Variants in STX8 observed in about 807,000 individuals in gnomAD.
STX8 encodes the protein syntaxin-8.
A neutral mutation model predicts 37.5 loss-of-function variants in STX8; 23 were observed. The ratio of observed to expected loss-of-function variants is 0.61; its 90% CI spans 0.44 to 0.87. The LOEUF is 0.87. Ranked by LOEUF, STX8 falls within the 40% of genes least tolerant of loss-of-function variation. The pLI is 0.00. For synonymous variants in STX8, 115 were observed against 99.1 expected, an observed-to-expected ratio of 1.16 and a Z score of -0.95; for missense variants, 313 against 284.7, an observed-to-expected ratio of 1.10 and a Z score of -0.71.
At chr17:9,312,434 C>G (rs1253339702) in intron 7 of STX8, among the ~76,000 whole-genome samples, 1 of 152,108 alleles carries the variant, frequency 6.6e-6, no homozygotes, top group Non-Finnish European at 1.5e-5. Context: ...CTCCCGACCT[C>G]AGGTGATCCA....
intron 1 of STX8, among the ~76,000 whole-genome samples, chr17:9,573,346 G>A (rs978477763): frequency 1.3e-5 from 2 of 151,946 alleles, no homozygotes; most frequent in Non-Finnish European, 2.9e-5. Flanking sequence ...TAAAATCTTG[G>A]TCTCCACTAC....
intron 7 of STX8, among the ~76,000 whole-genome samples, chr17:9,268,384 T>A (rs1227071227): frequency 1.3e-5 from 2 of 152,048 alleles, no homozygotes; most frequent in Non-Finnish European, 2.9e-5. Flanking sequence ...GGCTTAGAGT[T>A]TGATCTAGGA....
chr17:9,461,386 A>C (rs1905380711), intron 6 of STX8: 1 of 152,142 alleles, frequency 6.6e-6, no homozygotes, highest in African/African-American at 2.4e-5. Flanking sequence ...CCCTCCACCT[A>C]CCACCACCCT....
intron 6 of STX8, among the ~76,000 whole-genome samples, chr17:9,422,875 T>C (rs1167948252): frequency 6.6e-6 from 1 of 152,200 alleles, no homozygotes; most frequent in Non-Finnish European, 1.5e-5. Flanking sequence ...TGAAGCGCTG[T>C]TTAGGGAAGA....
At chr17:9,413,338 G>A (rs1913044087) in intron 6 of STX8, among the ~76,000 whole-genome samples, 1 of 152,220 alleles carries the variant, frequency 6.6e-6, no homozygotes, top group African/African-American at 2.4e-5. Context: ...CAACTGGCAA[G>A]CACTGCCCAA....
chr17:9,262,000 T>G (rs1409106000), intron 7 of STX8, among the ~76,000 whole-genome samples: 3 of 152,202 alleles, frequency 2.0e-5, no homozygotes, highest in South Asian at 2.1e-4. Flanking sequence ...CCCCTCCGTT[T>G]GTCCTATTTG....
At chr17:9,426,586 C>T (rs1913638354) in intron 6 of STX8, among the ~76,000 whole-genome samples, 1 of 151,900 alleles carries the variant, frequency 6.6e-6, no homozygotes, top group Non-Finnish European at 1.5e-5. Context: ...ACAGTGAGAC[C>T]TTGTCTCTAG....
chr17:9,574,202 T>G (rs1389105549), intron 1 of STX8, among the ~76,000 whole-genome samples: 2 of 149,368 alleles, frequency 1.3e-5, no homozygotes, highest in Non-Finnish European at 3.0e-5. Flanking sequence ...GCCCAGGAGG[T>G]GGAGGTTGCA....
intron 5 of STX8, among the ~76,000 whole-genome samples, chr17:9,496,075 C>T (rs116743658): frequency 0.19 from 25,828 of 138,038 alleles, 2,446 homozygotes; most frequent in South Asian, 0.26. Context: ...TTTTCTTTCT[C>T]TTTTTTTTTT....
At chr17:9,250,951 C>T (rs540580015) in intron 7 of STX8, among the ~76,000 whole-genome samples, 5 of 152,122 alleles carry the variant, frequency 3.3e-5, no homozygotes, top group East Asian at 1.9e-4. Flanking sequence ...CAAGGGAGGG[C>T]GCAAGCTGCT....
chr17:9,503,917 A>G (rs58808056), intron 5 of STX8, among the ~76,000 whole-genome samples: 15,567 of 152,020 alleles, frequency 0.1, 2,011 homozygotes, highest in East Asian at 0.67. Flanking sequence ...GGTGCGTGCC[A>G]CCACACCCAG....
intron 7 of STX8, among the ~76,000 whole-genome samples, chr17:9,289,253 G>A (rs546654535): frequency 6.6e-6 from 1 of 152,272 alleles, no homozygotes; most frequent in South Asian, 2.1e-4. Flanking sequence ...TATTTCCCAA[G>A]TACTCTTTCT....
At chr17:9,350,780 G>A (rs1481839794) in intron 7 of STX8, among the ~76,000 whole-genome samples, 2 of 152,110 alleles carry the variant, frequency 1.3e-5, no homozygotes, top group Non-Finnish European at 2.9e-5. Flanking sequence ...TGATCCACCC[G>A]CCTTGGCCTC....
At chr17:9,522,965 G>A (rs906376105) in intron 4 of STX8, among the ~76,000 whole-genome samples, 1 of 152,044 alleles carries the variant, frequency 6.6e-6, no homozygotes, top group African/African-American at 2.4e-5. Flanking sequence ...TTGAGGTTAT[G>A]GGTATGCTAA....
intron 6 of STX8, among the ~76,000 whole-genome samples, chr17:9,453,680 G>C (rs1434641849): frequency 3.3e-5 from 5 of 151,470 alleles, no homozygotes; most frequent in African/African-American, 9.7e-5. Flanking sequence ...TTTAGTAGAG[G>C]CAGGGTTTCA....
intron 3 of STX8, 66 bp from the exon 4 acceptor site, chr17:9,545,348 G>T (rs1029998863): frequency 1.4e-5 from 16 of 1,183,810 alleles, no homozygotes; most frequent in Non-Finnish European, 2.0e-5. Context: ...ACATTATTAA[G>T]TTAGCTCTTC....
chr17:9,471,683 C>A (rs1905873075), intron 6 of STX8, among the ~76,000 whole-genome samples: 1 of 152,228 alleles, frequency 6.6e-6, no homozygotes, highest in Middle Eastern at 3.4e-3. Flanking sequence ...AAACCCCGGG[C>A]ACTGAGTCTC....
chr17:9,537,037 C>T (rs4239105), intron 4 of STX8, among the ~76,000 whole-genome samples: 52,503 of 152,022 alleles, frequency 0.35, 9,249 homozygotes, highest in South Asian at 0.43. Context: ...CATGAGCCAC[C>T]GCATCCAGCC....
rs1555526650 is a variant in STX8 at position 9,430,005 on chromosome 17, T to TA, written c.542-51353_542-51352insT. Among the ~76,000 whole-genome samples the TA allele has an allele frequency of 9.3e-3, 71 of 7,654 alleles. 10 individuals are homozygous for TA. The highest frequency in any genetic ancestry group is 0.5 in the Middle Eastern group (2 of 4). 5.0% of individuals were successfully genotyped at this position (7,654 alleles called of 152,430 possible). ...GAATATATTATATATAATATATATA[T>TA]TATATATTATATATTATATATAATA... is the stretch of plus-strand genomic sequence containing the variant. On this transcript the variant is annotated intron_variant, in intron 6 of 7. Coordinates refer to ENST00000306357, the MANE Select transcript of STX8 (RefSeq NM_004853.3).
Sources: allele counts gnomAD v4.1 joint callset (sites outside exome capture counted in the v4.1 genomes callset), GRCh38; gene constraint gnomAD v4.1.1; transcripts MANE v1.5; gene names NCBI Gene and HGNC (gene_info 2026-07-23, HGNC 2026-07-21).